ZC3H12B: variants seen among roughly 807,000 people sequenced by gnomAD.
ZC3H12B encodes zinc finger CCCH-type containing 12B.
ZC3H12B carries 7 observed loss-of-function variants against 43.9 expected under a neutral mutation model. That is an observed-to-expected ratio of 0.16 (90% CI 0.09 to 0.30). The LOEUF is 0.30. Among genes scored for constraint, ZC3H12B ranks in the 10% least tolerant of loss-of-function variants. The pLI, the probability that ZC3H12B is intolerant of heterozygous loss-of-function variation, is 1.00. For missense variants in ZC3H12B, 475 were observed against 670.2 expected (o/e 0.71, Z 3.22); for synonymous variants, 222 against 241.7 (o/e 0.92, Z 0.76).
the ZC3H12B span, among the ~76,000 whole-genome samples, chrX:65,128,029 C>T: frequency 8.9e-6 from 1 of 111,805 alleles, no homozygotes; most frequent in South Asian, 3.7e-4. Context: ...CTAGTTCCTT[C>T]AAAGGGTCTG....
chrX:65,253,577 T>C, the ZC3H12B span, among the ~76,000 whole-genome samples: 2 of 111,988 alleles, frequency 1.8e-5, no homozygotes, highest in Non-Finnish European at 3.8e-5. Context: ...TTGTCTGACC[T>C]GAACAGAACA....
At chrX:65,156,177 T>A in the ZC3H12B span, among the ~76,000 whole-genome samples, 2 of 111,042 alleles carry the variant, frequency 1.8e-5, no homozygotes, top group East Asian at 2.8e-4. Context: ...AATATTGTGC[T>A]TTCTCTCTCC....
the ZC3H12B span, among the ~76,000 whole-genome samples, chrX:65,067,150 G>T: frequency 1.9e-5 from 2 of 107,461 alleles, no homozygotes; most frequent in South Asian, 4.2e-4. Context: ...GGAGTGAATT[G>T]TTCTGTCTCG....
At chrX:65,502,900 CTGT>C (rs1277618840) in exon 5 of ZC3H12B, 4 of 1,211,841 alleles carry the variant, frequency 3.3e-6, no homozygotes, top group Middle Eastern at 2.3e-4. Flanking sequence ...ACCCGCTGCC[CTGT>C]ACAACTGACT....
chrX:65,464,791 C>T (rs2067796587), intron 3 of ZC3H12B, among the ~76,000 whole-genome samples: 1 of 110,063 alleles, frequency 9.1e-6, no homozygotes, highest in African/African-American at 3.3e-5. Context: ...GCTGCATTTC[C>T]TAAATTTTGG....
the ZC3H12B span, among the ~76,000 whole-genome samples, chrX:65,227,934 A>G: frequency 8.9e-6 from 1 of 112,022 alleles, no homozygotes; most frequent in East Asian, 2.8e-4. Context: ...ATGGATTCAC[A>G]GCCGAATTCT....
chrX:65,144,303 G>A, the ZC3H12B span, among the ~76,000 whole-genome samples: 1 of 111,161 alleles, frequency 9.0e-6, no homozygotes. Context: ...GTATTTCCAT[G>A]GTGTCACATG....
chrX:65,224,592 CA>C, the ZC3H12B span, among the ~76,000 whole-genome samples: 17 of 112,622 alleles, frequency 1.5e-4, 1 homozygote, highest in African/African-American at 5.5e-4. Flanking sequence ...TCGGGAAGCA[CA>C]AGGGGTCGGG....
the ZC3H12B span, among the ~76,000 whole-genome samples, chrX:65,161,011 G>T: frequency 1.8e-5 from 2 of 110,809 alleles, no homozygotes; most frequent in African/African-American, 6.6e-5. Context: ...CCTTCATTTT[G>T]TTATGTACCC....
At chrX:65,296,589 G>T in the ZC3H12B span, among the ~76,000 whole-genome samples, 1 of 111,143 alleles carries the variant, frequency 9.0e-6, no homozygotes, top group African/African-American at 3.3e-5. Flanking sequence ...AATGAAAACT[G>T]GTAGCAATTC....
At chrX:65,393,449 TGCCCCACAACCCCCGAAAG>T (rs1310363742) in intron 2 of ZC3H12B, among the ~76,000 whole-genome samples, 1 of 110,583 alleles carries the variant, frequency 9.0e-6, no homozygotes, top group Non-Finnish European at 1.9e-5. Flanking sequence ...TCCATCCCCT[TGCCCCACAACCCCCGAAAG>T]GCCCTAGTGT....
chrX:65,167,501 G>A, the ZC3H12B span, among the ~76,000 whole-genome samples: 4 of 111,650 alleles, frequency 3.6e-5, no homozygotes, highest in African/African-American at 1.3e-4. Context: ...TGTTCTTTTA[G>A]CTTAGGATTG....
chrX:65,073,406 C>T, the ZC3H12B span, among the ~76,000 whole-genome samples: 1 of 112,104 alleles, frequency 8.9e-6, no homozygotes, highest in East Asian at 2.8e-4. Context: ...GCAAGAGCTA[C>T]AATGTAGGCC....
the ZC3H12B span, among the ~76,000 whole-genome samples, chrX:65,132,693 C>T: frequency 9.0e-6 from 1 of 111,208 alleles, no homozygotes; most frequent in Non-Finnish European, 1.9e-5. Context: ...AAGTTCGCAT[C>T]AGAGTTGGGG....
intron 2 of ZC3H12B, among the ~76,000 whole-genome samples, chrX:65,382,637 C>A (rs2066459714): frequency 9.0e-6 from 1 of 111,275 alleles, no homozygotes; most frequent in African/African-American, 3.3e-5. Context: ...AAAGGGTATT[C>A]AATTAGGAAA....
the ZC3H12B span, among the ~76,000 whole-genome samples, chrX:65,228,313 G>A: frequency 9.0e-6 from 1 of 111,558 alleles, no homozygotes; most frequent in Admixed American, 9.5e-5. Context: ...TGCAGAAAAG[G>A]CCTTTGACAA....
chrX:65,037,366 C>T, the ZC3H12B span, among the ~76,000 whole-genome samples: 535 of 111,732 alleles, frequency 4.8e-3, 2 homozygotes, highest in Non-Finnish European at 8.3e-3. Flanking sequence ...ATAGCATGAG[C>T]TAAGGCACTT....
At chrX:65,480,846 C>CA (rs59314463) in intron 3 of ZC3H12B, among the ~76,000 whole-genome samples, 23,487 of 68,353 alleles carry the variant, frequency 0.34, 6,663 homozygotes, top group African/African-American at 0.83. Context: ...AACTCTGACT[C>CA]AAAAAAAAAA....
chrX:65,214,355 A>G, the ZC3H12B span, among the ~76,000 whole-genome samples: 1 of 112,003 alleles, frequency 8.9e-6, no homozygotes, highest in South Asian at 3.7e-4. Flanking sequence ...TCAAAATTAG[A>G]GTCAATCCTC....
Sources: gnomAD v4.1 joint callset for allele counts (sites outside exome capture counted in the v4.1 genomes callset) on GRCh38, gnomAD v4.1.1 for gene constraint, MANE v1.5 for transcripts, NCBI Gene and HGNC (gene_info 2026-07-23, HGNC 2026-07-21) for gene names.